Variants in PSMA1 observed in about 807,000 individuals in gnomAD.
PSMA1 encodes the protein proteasome 20S subunit alpha 1.
Under a neutral mutation model 38.4 loss-of-function variants are expected in PSMA1, and 3 were observed. The observed-to-expected ratio is 0.08, with a 90% confidence interval of 0.04 to 0.20. PSMA1 has a LOEUF of 0.20. Among genes scored for constraint, PSMA1 ranks in the 10% least tolerant of loss-of-function variants. The pLI, the probability that PSMA1 is intolerant of heterozygous loss-of-function variation, is 1.00. For missense variants in PSMA1, 227 were observed against 325.3 expected (o/e 0.70, Z 2.32); for synonymous variants, 101 against 107.1 (o/e 0.94, Z 0.35).
At chr11:14,610,805 C>T (rs1852699583) in intron 2 of PSMA1, 2 of 641,630 alleles carry the variant, frequency 3.1e-6, no homozygotes, top group Non-Finnish European at 5.1e-6. Flanking sequence ...CTTTCCTTTG[C>T]TTTCTTACAC....
intron 1 of PSMA1, chr11:14,520,048 A>G: frequency 1.7e-6 from 1 of 605,488 alleles, no homozygotes; most frequent in African/African-American, 1.9e-5. Flanking sequence ...GAACTCATCT[A>G]GCTGACCGAG....
chr11:14,635,766 T>C (rs942703310), intron 1 of PSMA1, among the ~76,000 whole-genome samples: 1 of 152,222 alleles, frequency 6.6e-6, no homozygotes, highest in African/African-American at 2.4e-5. Context: ...TATGACTCAT[T>C]GAAGCCAGAT....
chr11:14,598,326 C>G (rs1852529112), intron 2 of PSMA1, among the ~76,000 whole-genome samples: 1 of 152,146 alleles, frequency 6.6e-6, no homozygotes, highest in Non-Finnish European at 1.5e-5. Context: ...TTTTGTTGAT[C>G]TGTCTAATGT....
chr11:14,560,352 G>C (rs1291775749), intron 2 of PSMA1, among the ~76,000 whole-genome samples: 1 of 152,088 alleles, frequency 6.6e-6, no homozygotes, highest in Non-Finnish European at 1.5e-5. Flanking sequence ...ACTGACCTCT[G>C]GTCTGAAAGT....
At chr11:14,553,627 T>A (rs191394483) in intron 2 of PSMA1, among the ~76,000 whole-genome samples, 4 of 152,124 alleles carry the variant, frequency 2.6e-5, no homozygotes, top group African/African-American at 9.7e-5. Context: ...TTGAGACTCA[T>A]ACAAATTGTT....
chr11:14,519,602 T>C (rs1221403201), intron 1 of PSMA1, among the ~76,000 whole-genome samples: 2 of 152,178 alleles, frequency 1.3e-5, no homozygotes, highest in Non-Finnish European at 2.9e-5. Context: ...TGAACAAAAA[T>C]GTCCTCACAA....
chr11:14,599,668 T>C (rs1430876161), intron 2 of PSMA1, among the ~76,000 whole-genome samples: 2 of 152,196 alleles, frequency 1.3e-5, no homozygotes, highest in African/African-American at 2.4e-5. Flanking sequence ...TTTAGCTTCC[T>C]CGAGATGGGT....
intron 1 of PSMA1, among the ~76,000 whole-genome samples, chr11:14,622,017 T>A (rs148423265): frequency 1.3e-5 from 2 of 152,224 alleles, no homozygotes; most frequent in Non-Finnish European, 2.9e-5. Context: ...TTGAATGTCA[T>A]ACTGAATTTA....
At chr11:14,595,281 T>C (rs1430660939) in intron 2 of PSMA1, among the ~76,000 whole-genome samples, 1 of 152,216 alleles carries the variant, frequency 6.6e-6, no homozygotes, top group East Asian at 1.9e-4. Context: ...AGTAATGGGA[T>C]TGCTGGGTCA....
chr11:14,524,693 A>G (rs1312706272), upstream of PSMA1, among the ~76,000 whole-genome samples: 2 of 152,186 alleles, frequency 1.3e-5, no homozygotes, highest in Non-Finnish European at 2.9e-5. Context: ...CACGTAAGAC[A>G]TTTGGTGCCG....
At chr11:14,559,991 T>C (rs1274124462) in intron 2 of PSMA1, among the ~76,000 whole-genome samples, 1 of 152,170 alleles carries the variant, frequency 6.6e-6, no homozygotes, top group Admixed American at 6.5e-5. Context: ...GTTGTCCTGC[T>C]TTGAAGCAAA....
At chr11:14,634,936 T>C (rs1264170885) in intron 1 of PSMA1, among the ~76,000 whole-genome samples, 1 of 152,206 alleles carries the variant, frequency 6.6e-6, no homozygotes, top group Non-Finnish European at 1.5e-5. Flanking sequence ...TTAGAGAAAC[T>C]TGGAGCCCAC....
intron 2 of PSMA1, among the ~76,000 whole-genome samples, chr11:14,583,853 T>C (rs1852309262): frequency 6.6e-6 from 1 of 152,166 alleles, no homozygotes; most frequent in African/African-American, 2.4e-5. Flanking sequence ...TGCTCAGTAT[T>C]TTTCCCACAC....
intron 2 of PSMA1, among the ~76,000 whole-genome samples, chr11:14,595,373 C>T (rs775928121): frequency 1.4e-4 from 21 of 152,216 alleles, no homozygotes; most frequent in Non-Finnish European, 1.9e-4. Flanking sequence ...CTCCCACCAA[C>T]GGTGTAAAAG....
At chr11:14,540,453 G>A (rs1851761438) in intron 2 of PSMA1, among the ~76,000 whole-genome samples, 1 of 152,190 alleles carries the variant, frequency 6.6e-6, no homozygotes, top group Non-Finnish European at 1.5e-5. Context: ...AATAAACTGA[G>A]ATCGCCTAAA....
chr11:14,558,076 A>G (rs564601398), intron 2 of PSMA1, among the ~76,000 whole-genome samples: 1 of 152,184 alleles, frequency 6.6e-6, no homozygotes, highest in Non-Finnish European at 1.5e-5. Flanking sequence ...AACGATGAGC[A>G]AAAACAAGAA....
At chr11:14,545,384 G>A (rs946903198) in intron 2 of PSMA1, among the ~76,000 whole-genome samples, 2 of 152,224 alleles carry the variant, frequency 1.3e-5, no homozygotes, top group African/African-American at 4.8e-5. Flanking sequence ...TGTGTGCCAT[G>A]GTGGTTGGCT....
intron 2 of PSMA1, among the ~76,000 whole-genome samples, chr11:14,565,548 T>C (rs1273704183): frequency 6.6e-6 from 1 of 152,202 alleles, no homozygotes; most frequent in Non-Finnish European, 1.5e-5. Context: ...ACATTTTATA[T>C]TGCATAGAGA....
chr11:14,546,363 T>A (rs761925429), intron 2 of PSMA1, among the ~76,000 whole-genome samples: 1 of 152,030 alleles, frequency 6.6e-6, no homozygotes, highest in East Asian at 1.9e-4. Flanking sequence ...CAGCAAATGA[T>A]GTTAGAATGC....
Sources: allele counts gnomAD v4.1 joint callset (sites outside exome capture counted in the v4.1 genomes callset), GRCh38; gene constraint gnomAD v4.1.1; transcripts MANE v1.5; gene names NCBI Gene and HGNC (gene_info 2026-07-23, HGNC 2026-07-21).